ABI3BP: variants seen among roughly 807,000 people sequenced by gnomAD.
The protein encoded by ABI3BP is ABI family member 3 binding protein.
ABI3BP carries 216 observed loss-of-function variants against 268.6 expected under a neutral mutation model. The ratio of observed to expected loss-of-function variants is 0.80; its 90% confidence interval spans 0.72 to 0.90. The LOEUF (loss-of-function observed/expected upper bound fraction) is 0.90, where lower values mean the gene tolerates loss of function less well. Ranked by LOEUF, ABI3BP falls within the 40% of genes least tolerant of loss-of-function variation. The probability of loss-of-function intolerance (pLI) is 0.00; values close to 1 mark genes in which losing one functional copy is unlikely to be tolerated. For missense variants in ABI3BP, 2,090 were observed against 2,182.4 expected (o/e 0.96, Z 0.84); for synonymous variants, 730 against 730.0 (o/e 1.00, Z 0.00).
chr3:100,796,077 G>A (rs886455075), intron 52 of ABI3BP, among the ~76,000 whole-genome samples: 6 of 152,000 alleles, frequency 3.9e-5, no homozygotes, highest in African/African-American at 1.4e-4. Flanking sequence ...ATTTCGAGTA[G>A]GCACCCACTT....
chr3:100,826,546 G>A (rs1006306002), intron 34 of ABI3BP, among the ~76,000 whole-genome samples: 13 of 152,134 alleles, frequency 8.5e-5, no homozygotes, highest in Admixed American at 6.6e-4. Context: ...CAAGAAGCAC[G>A]TGAAAAACTA....
intron 2 of ABI3BP, among the ~76,000 whole-genome samples, chr3:100,914,007 G>A (rs1235563770): frequency 6.6e-6 from 1 of 152,162 alleles, no homozygotes; most frequent in African/African-American, 2.4e-5. Context: ...GATGAATGAA[G>A]CCCGAGGCTT....
At position 100,749,331 on chromosome 3, in the gene ABI3BP, A is replaced by AATCTT. The variant is rs1576405837; in HGVS notation, c.*1159_*1163dup. ...ATTCAGAAATAACAAACAAAAACTC[A>AATCTT]ATCTTAAAAAAAAACTACATCTCTT... On this transcript the variant is annotated 3_prime_UTR_variant, in exon 68 of 68. Transcript: ENST00000471714. The AATCTT allele has an allele frequency of 2.9e-5, 3 of 104,656 alleles. No homozygotes were observed. The East Asian group carries it at 4.5e-4, about 16-fold the overall frequency. 6.5% of individuals were successfully genotyped at this position (104,656 alleles called of 1,614,324 possible).
chr3:100,929,428 C>T (rs1220935242), intron 1 of ABI3BP, among the ~76,000 whole-genome samples: 1 of 152,022 alleles, frequency 6.6e-6, no homozygotes, highest in Non-Finnish European at 1.5e-5. Flanking sequence ...TCCACAAATA[C>T]ATCAACATCA....
chr3:100,756,503 A>G (rs2095625463), intron 63 of ABI3BP, among the ~76,000 whole-genome samples: 1 of 152,262 alleles, frequency 6.6e-6, no homozygotes, highest in South Asian at 2.1e-4. Flanking sequence ...AATATTTTCC[A>G]GAGATTAAAT....
intron 1 of ABI3BP, among the ~76,000 whole-genome samples, chr3:100,981,086 T>C (rs1459881421): frequency 6.6e-6 from 1 of 152,138 alleles, no homozygotes; most frequent in East Asian, 1.9e-4. Context: ...GAATATACAG[T>C]TATGGTTTGT....
chr3:100,773,245 A>G (rs1415169691), intron 61 of ABI3BP, among the ~76,000 whole-genome samples: 2 of 152,190 alleles, frequency 1.3e-5, no homozygotes, highest in East Asian at 3.8e-4. Flanking sequence ...ATGGTCTTGT[A>G]TCCAGAAAAT....
intron 63 of ABI3BP, among the ~76,000 whole-genome samples, chr3:100,761,466 C>T (rs1242343335): frequency 6.6e-6 from 1 of 152,132 alleles, no homozygotes; most frequent in African/African-American, 2.4e-5. Context: ...GGAGCTGCAC[C>T]CATGTGGCTC....
At chr3:100,829,008 T>TGACAGTGGTCAGA (rs1275372210) in intron 33 of ABI3BP, among the ~76,000 whole-genome samples, 1 of 152,140 alleles carries the variant, frequency 6.6e-6, no homozygotes, top group Non-Finnish European at 1.5e-5. Flanking sequence ...CCTAGAAGCC[T>TGACAGTGGTCAGA]GACAGCCTCC....
At position 100,833,139 on chromosome 3, in the gene ABI3BP, G is replaced by T; in HGVS notation, c.2300C>A (p.Pro767His). 3.3e-6 allele frequency: 5 copies of T among 1,534,728 alleles called. No homozygotes were observed. Among genetic ancestry groups the T allele is most frequent in the Non-Finnish European group, 4.4e-6 (5 of 1,146,014 alleles). ...QTKLDFGPIT[P>H]GTSSAPTTTT... ...AGAGTCATTACCTGAAGATGTCCCA[G>T]GAGTAATAGGTCCAAAGTCTGTAGC... The change falls in exon 30 of 68, where the codon CCT becomes CAT. Residue 767 changes from proline (P) to histidine (H), a missense_variant. Pro to His is a moderately conservative substitution (Grantham distance 77). Coordinates refer to ENST00000471714, the MANE Select transcript of ABI3BP (RefSeq NM_001375547.2).
chr3:100,832,209 A>C, intron 31 of ABI3BP, 55 bp downstream of exon 31: 1 of 1,472,796 alleles, frequency 6.8e-7, no homozygotes, highest in Non-Finnish European at 9.2e-7. Context: ...TAGAACTTAC[A>C]GTCCCAACCG....
intron 14 of ABI3BP, among the ~76,000 whole-genome samples, chr3:100,854,325 C>T (rs1443710399): frequency 6.6e-6 from 1 of 152,110 alleles, no homozygotes; most frequent in African/African-American, 2.4e-5. Context: ...CGCCACTGCA[C>T]TCTAGCCTGC....
At chr3:100,911,528 G>T in intron 2 of ABI3BP, 2 of 530,966 alleles carry the variant, frequency 3.8e-6, no homozygotes, top group South Asian at 2.1e-5. Flanking sequence ...AATTCCTCTT[G>T]TAATGAAGCA....
intron 63 of ABI3BP, among the ~76,000 whole-genome samples, chr3:100,758,335 A>G (rs2095749930): frequency 6.6e-6 from 1 of 152,216 alleles, no homozygotes; most frequent in Non-Finnish European, 1.5e-5. Flanking sequence ...GGGGGCTATA[A>G]AAGCATCTGT....
At chr3:100,936,965 G>A (rs1468347806) in intron 1 of ABI3BP, among the ~76,000 whole-genome samples, 1 of 151,950 alleles carries the variant, frequency 6.6e-6, no homozygotes, top group African/African-American at 2.4e-5. Flanking sequence ...GGTTTTTCAT[G>A]TCTCTGTCTC....
chr3:100,756,871 G>A (rs986655554), intron 63 of ABI3BP, among the ~76,000 whole-genome samples: 3 of 151,178 alleles, frequency 2.0e-5, no homozygotes, highest in African/African-American at 7.3e-5. Flanking sequence ...GAACTGAAAG[G>A]CACATTTTTG....
chr3:100,815,699 T>C (rs2098015453), intron 44 of ABI3BP, among the ~76,000 whole-genome samples: 1 of 152,078 alleles, frequency 6.6e-6, no homozygotes, highest in Non-Finnish European at 1.5e-5. Context: ...TAAAGAGAGT[T>C]TCATGCTGGA....
At chr3:100,898,528 T>C (rs1392276463) in intron 4 of ABI3BP, among the ~76,000 whole-genome samples, 1 of 152,246 alleles carries the variant, frequency 6.6e-6, no homozygotes. Context: ...ACCCATTTGC[T>C]ATTTGACTCA....
At chr3:100,883,684 T>G (rs542219397) in intron 6 of ABI3BP, among the ~76,000 whole-genome samples, 1 of 152,218 alleles carries the variant, frequency 6.6e-6, no homozygotes, top group East Asian at 1.9e-4. Context: ...GCTGGCGAGT[T>G]TATAAATTAG....
Sources: gnomAD v4.1 joint callset for allele counts (sites outside exome capture counted in the v4.1 genomes callset) on GRCh38, gnomAD v4.1.1 for gene constraint, MANE v1.5 for transcripts, NCBI Gene and HGNC (gene_info 2026-07-23, HGNC 2026-07-21) for gene names.